Variants in DNAH12 observed in about 807,000 individuals in gnomAD.
DNAH12 encodes dynein axonemal heavy chain 12.
In DNAH12, 285 loss-of-function variants were observed where a neutral mutation model predicts 371.5. The ratio of observed to expected loss-of-function variants is 0.77; its 90% CI spans 0.70 to 0.85. The LOEUF is 0.85. Ranked by LOEUF, DNAH12 falls within the 40% of genes least tolerant of loss-of-function variation. The pLI is 0.00. For synonymous variants in DNAH12, 1,200 were observed against 1,213.0 expected (o/e 0.99, Z 0.22); for missense variants, 3,611 against 3,689.4 (o/e 0.98, Z 0.55).
intron 58 of DNAH12, among the ~76,000 whole-genome samples, chr3:57,361,581 G>T (rs1228844776): frequency 6.6e-6 from 1 of 150,544 alleles, no homozygotes; most frequent in East Asian, 2.0e-4. Context: ...TCTTCCCGAC[G>T]AATGACAAGA....
intron 34 of DNAH12, among the ~76,000 whole-genome samples, chr3:57,426,086 T>C (rs2064759259): frequency 6.6e-6 from 1 of 151,980 alleles, no homozygotes; most frequent in South Asian, 2.1e-4. Context: ...AAATGTAAGT[T>C]TGCCAGGTGA....
At chr3:57,430,931 A>G (rs1194999360) in intron 32 of DNAH12, among the ~76,000 whole-genome samples, 1 of 152,210 alleles carries the variant, frequency 6.6e-6, no homozygotes, top group African/African-American at 2.4e-5. Flanking sequence ...TTAGCTAACT[A>G]AAACTAAATA....
intron 33 of DNAH12, 86 bp from the exon 34 acceptor site, chr3:57,428,907 G>C (rs2064867720): frequency 7.6e-7 from 1 of 1,317,210 alleles, no homozygotes; most frequent in Non-Finnish European, 1.0e-6. Context: ...GATGACTTAT[G>C]AGATCCTTTA....
chr3:57,366,701 A>G (rs2063059170), intron 57 of DNAH12, 28 bp downstream of exon 57: 2 of 152,234 alleles, frequency 1.3e-5, no homozygotes, highest in African/African-American at 2.4e-5. Context: ...TTTTTAAACC[A>G]TCTAGAAGCA....
At chr3:57,548,205 A>T (rs1449188495), upstream of DNAH12, among the ~76,000 whole-genome samples, 1 of 152,198 alleles carries the variant, frequency 6.6e-6, no homozygotes, top group Non-Finnish European at 1.5e-5. Flanking sequence ...TACTTTTAAA[A>T]CACATATTAA....
chr3:57,487,679 T>A (rs751554210), intron 12 of DNAH12, among the ~76,000 whole-genome samples: 1 of 152,226 alleles, frequency 6.6e-6, no homozygotes, highest in African/African-American at 2.4e-5. Flanking sequence ...TTATCTAAAG[T>A]ACAGAATTGA....
At chr3:57,360,561 G>A (rs1231187590) in intron 58 of DNAH12, among the ~76,000 whole-genome samples, 1 of 151,852 alleles carries the variant, frequency 6.6e-6, no homozygotes, top group Admixed American at 6.6e-5. Context: ...GGTGGCTTAT[G>A]CCTGTAATCC....
At chr3:57,371,166 GC>G (rs2063161910) in intron 55 of DNAH12, among the ~76,000 whole-genome samples, 1 of 152,028 alleles carries the variant, frequency 6.6e-6, no homozygotes, top group Non-Finnish European at 1.5e-5. Context: ...AGAAGCAAAG[GC>G]AACACACACA....
chr3:57,334,360 A>G, intron 62 of DNAH12, 105 bp downstream of exon 62: 2 of 1,236,782 alleles, frequency 1.6e-6, no homozygotes, highest in Admixed American at 6.6e-5. Context: ...TGTAAGCTGG[A>G]TAATCAATCT....
At chr3:57,300,917 T>TG (rs1207929056) in intron 70 of DNAH12, among the ~76,000 whole-genome samples, 1 of 151,780 alleles carries the variant, frequency 6.6e-6, no homozygotes, top group African/African-American at 2.4e-5. Context: ...ATGTTTATGC[T>TG]GGGGGGAGGG....
At chr3:57,478,218 G>A (rs140885955) in intron 13 of DNAH12, among the ~76,000 whole-genome samples, 59 of 152,220 alleles carry the variant, frequency 3.9e-4, no homozygotes, top group South Asian at 2.5e-3. Context: ...CCAATGCAGA[G>A]AAGTCCTTAA....
chr3:57,339,143 C>T (rs2062323754), intron 60 of DNAH12, among the ~76,000 whole-genome samples: 1 of 152,090 alleles, frequency 6.6e-6, no homozygotes, highest in African/African-American at 2.4e-5. Context: ...AAGGGCGGTG[C>T]AAGATGTGCT....
At chr3:57,508,079 C>A (rs1489041557) in intron 7 of DNAH12, among the ~76,000 whole-genome samples, 1 of 150,798 alleles carries the variant, frequency 6.6e-6, no homozygotes, top group South Asian at 2.1e-4. Flanking sequence ...CCCAGCTACT[C>A]GGAAGGCTGA....
chr3:57,358,073 G>T (rs2062841694), intron 58 of DNAH12, among the ~76,000 whole-genome samples: 1 of 152,136 alleles, frequency 6.6e-6, no homozygotes, highest in South Asian at 2.1e-4. Flanking sequence ...CTTTGGTAAT[G>T]CTATCCACAG....
At chr3:57,307,107 A>G (rs2061488476) in intron 69 of DNAH12, among the ~76,000 whole-genome samples, 1 of 152,032 alleles carries the variant, frequency 6.6e-6, no homozygotes, top group African/African-American at 2.4e-5. Flanking sequence ...TCTGTTACCT[A>G]TCTCGGCATA....
rs11378069 is a variant in DNAH12 at position 57,311,087 on chromosome 3, GTTTT to G, written c.10663-141_10663-138del. On this transcript the variant is annotated intron_variant, in intron 66 of 73. Transcript: ENST00000495027. ...TGTCTTTCGGTAGCTGAGATTGTTA[GTTTT>G]TTTTTGGACAGTCTCGCTCTGTCGC... The G allele has an allele frequency of 2.2e-5, 15 of 683,062 alleles. No homozygotes were observed. In the African/African-American group the frequency reaches 2.7e-4, roughly 12 times the overall value. 42.3% of individuals were successfully genotyped at this position (683,062 alleles called of 1,614,324 possible). A position where few individuals can be genotyped will look rare whatever the true frequency, so the allele number is the denominator to read the frequency against.
chr3:57,427,583 G>A (rs771595740), intron 34 of DNAH12, among the ~76,000 whole-genome samples: 7 of 152,076 alleles, frequency 4.6e-5, no homozygotes, highest in Non-Finnish European at 7.4e-5. Context: ...CCAGCTACTC[G>A]GGAGGCTAAG....
At chr3:57,304,594 G>A (rs1354013616) in intron 69 of DNAH12, among the ~76,000 whole-genome samples, 1 of 152,152 alleles carries the variant, frequency 6.6e-6, no homozygotes, top group Non-Finnish European at 1.5e-5. Flanking sequence ...CGCTGAACAT[G>A]GACTTGGGAA....
At chr3:57,542,562 T>C in intron 2 of DNAH12, 139 bp downstream of exon 2, 1 of 956,106 alleles carries the variant, frequency 1.0e-6, no homozygotes, top group East Asian at 2.7e-5. Context: ...CAATTACTTT[T>C]CAATTGTTTT....
Sources: gnomAD v4.1 joint callset for allele counts (sites outside exome capture counted in the v4.1 genomes callset) on GRCh38, gnomAD v4.1.1 for gene constraint, MANE v1.5 for transcripts, NCBI Gene and HGNC (gene_info 2026-07-23, HGNC 2026-07-21) for gene names.